Variants in NCAM2 observed in about 807,000 individuals in gnomAD.
The protein encoded by NCAM2 is neural cell adhesion molecule 2.
NCAM2 carries 30 observed loss-of-function variants against 98.1 expected under a neutral mutation model. The observed-to-expected ratio is 0.31, with a 90% confidence interval of 0.23 to 0.41. The LOEUF (loss-of-function observed/expected upper bound fraction) is 0.41. NCAM2 is among the 10% of genes least tolerant of loss of function. NCAM2 has a pLI of 1.00. For missense variants in NCAM2, 867 were observed against 1,005.8 expected (o/e 0.86, Z 1.87); for synonymous variants, 368 against 342.4 (o/e 1.07, Z -0.83).
At chr21:21,355,537 G>A (rs1410679448) in intron 8 of NCAM2, among the ~76,000 whole-genome samples, 1 of 133,436 alleles carries the variant, frequency 7.5e-6, no homozygotes, top group Non-Finnish European at 1.7e-5. Flanking sequence ...AGGGAGGGAG[G>A]GAGAGAGGGA....
rs921365894 is a variant in NCAM2, at chr21:21,008,109, A to G, written c.55+9491A>G. On this transcript the variant is annotated intron_variant, in intron 1 of 17. Coordinates refer to ENST00000400546, the MANE Select transcript of NCAM2 (RefSeq NM_004540.5). ...CCAAGAACAGATTATGTGAAGATTA[A>G]TATATACAGTGAGGTATGTCCCATA... 2.0e-5 allele frequency among the ~76,000 whole-genome samples: 3 copies of G among 152,304 alleles called. No homozygotes were observed. In the East Asian group the frequency reaches 5.8e-4, roughly 29 times the overall value.
At chr21:21,292,934 A>G (rs1240341941) in intron 5 of NCAM2, among the ~76,000 whole-genome samples, 1 of 151,908 alleles carries the variant, frequency 6.6e-6, no homozygotes, top group Non-Finnish European at 1.5e-5. Context: ...GGCAGAGGAG[A>G]AGCAAAGGCA....
intron 1 of NCAM2, among the ~76,000 whole-genome samples, chr21:21,023,187 A>G (rs1164530522): frequency 1.3e-5 from 2 of 152,194 alleles, no homozygotes; most frequent in African/African-American, 2.4e-5. Flanking sequence ...GGGATATACT[A>G]TAATTCTTAT....
chr21:21,102,115 G>C (rs1388933245), intron 1 of NCAM2, among the ~76,000 whole-genome samples: 1 of 151,968 alleles, frequency 6.6e-6, no homozygotes, highest in Non-Finnish European at 1.5e-5. Context: ...AGAGCCCCCT[G>C]CTGACCTTAA....
intron 1 of NCAM2, among the ~76,000 whole-genome samples, chr21:21,057,433 A>G (rs2065233918): frequency 6.6e-6 from 1 of 152,128 alleles, no homozygotes. Context: ...TAAAGATTTT[A>G]TGCATGTAAC....
chr21:21,460,847 T>G (rs1369290400), intron 12 of NCAM2, among the ~76,000 whole-genome samples: 1 of 151,574 alleles, frequency 6.6e-6, no homozygotes, highest in Non-Finnish European at 1.5e-5. Context: ...GTTAAATAGG[T>G]AAAATGGAGG....
intron 1 of NCAM2, among the ~76,000 whole-genome samples, chr21:21,123,422 A>C (rs898086200): frequency 6.6e-6 from 1 of 151,714 alleles, no homozygotes; most frequent in Non-Finnish European, 1.5e-5. Flanking sequence ...AAGTTTTGCT[A>C]TGTGAAATGC....
chr21:21,277,072 C>A (rs534756591), intron 1 of NCAM2, among the ~76,000 whole-genome samples: 1 of 152,072 alleles, frequency 6.6e-6, no homozygotes, highest in African/African-American at 2.4e-5. Context: ...CTTAGAAAAG[C>A]AAATTTACTC....
chr21:21,245,796 TGATA>T (rs1349238858), intron 1 of NCAM2, among the ~76,000 whole-genome samples: 1 of 152,064 alleles, frequency 6.6e-6, no homozygotes, highest in Non-Finnish European at 1.5e-5. Context: ...GGATGGTAGA[TGATA>T]GATAGGGAGA....
chr21:21,048,518 A>G (rs952360454), intron 1 of NCAM2, among the ~76,000 whole-genome samples: 1 of 152,036 alleles, frequency 6.6e-6, no homozygotes. Context: ...ACGCCCGGCT[A>G]ATTTTTTTCT....
At chr21:21,065,220 CA>C (rs899359861) in intron 1 of NCAM2, among the ~76,000 whole-genome samples, 2 of 151,444 alleles carry the variant, frequency 1.3e-5, no homozygotes, top group East Asian at 1.9e-4. Flanking sequence ...CAAAACAAAA[CA>C]AAAAAAACTT....
At chr21:21,034,056 G>C (rs556294275) in intron 1 of NCAM2, among the ~76,000 whole-genome samples, 18 of 151,194 alleles carry the variant, frequency 1.2e-4, no homozygotes, top group Middle Eastern at 6.8e-3. Context: ...AGGCAAAGGG[G>C]GGGGGGAAAC....
At chr21:21,059,688 G>A (rs1310857733) in intron 1 of NCAM2, among the ~76,000 whole-genome samples, 1 of 151,924 alleles carries the variant, frequency 6.6e-6, no homozygotes, top group Non-Finnish European at 1.5e-5. Context: ...AGACATTCTC[G>A]TTCTCTAAAA....
intron 12 of NCAM2, among the ~76,000 whole-genome samples, chr21:21,437,318 G>C (rs1285448357): frequency 6.6e-6 from 1 of 151,972 alleles, no homozygotes; most frequent in Admixed American, 6.6e-5. Context: ...TTCCACTGGG[G>C]CATGCCAGAA....
chr21:21,225,368 A>G (rs927242651), intron 1 of NCAM2, among the ~76,000 whole-genome samples: 6 of 152,206 alleles, frequency 3.9e-5, no homozygotes, highest in Middle Eastern at 3.4e-3. Context: ...TATCCATGTA[A>G]CAAACCTGCA....
At chr21:21,482,152 G>T (rs1218987054) in intron 15 of NCAM2, among the ~76,000 whole-genome samples, 2 of 151,958 alleles carry the variant, frequency 1.3e-5, no homozygotes, top group African/African-American at 2.4e-5. Context: ...AATCCGGATT[G>T]CTAAGGCCTC....
intron 1 of NCAM2, among the ~76,000 whole-genome samples, chr21:21,276,545 C>T (rs912576860): frequency 6.6e-6 from 1 of 152,002 alleles, no homozygotes; most frequent in Non-Finnish European, 1.5e-5. Flanking sequence ...TTTCTCCAAA[C>T]ATAAATTTTT....
At chr21:21,484,573 T>C (rs1986183438) in intron 15 of NCAM2, among the ~76,000 whole-genome samples, 2 of 152,148 alleles carry the variant, frequency 1.3e-5, no homozygotes, top group Non-Finnish European at 2.9e-5. Flanking sequence ...GTCATTGTTA[T>C]ATCATATGGT....
intron 5 of NCAM2, among the ~76,000 whole-genome samples, chr21:21,294,872 T>G (rs774773345): frequency 2.6e-5 from 4 of 151,754 alleles, no homozygotes; most frequent in African/African-American, 4.8e-5. Flanking sequence ...TTAAAGATGT[T>G]TCAGTGAAAA....
Sources: gnomAD v4.1 joint callset for allele counts (sites outside exome capture counted in the v4.1 genomes callset) on GRCh38, gnomAD v4.1.1 for gene constraint, MANE v1.5 for transcripts, NCBI Gene and HGNC (gene_info 2026-07-23, HGNC 2026-07-21) for gene names.